CCDC158: variants seen among roughly 807,000 people sequenced by gnomAD.
The protein encoded by CCDC158 is coiled-coil domain-containing protein 158.
A neutral mutation model predicts 138.6 loss-of-function variants in CCDC158; 116 were observed. The observed-to-expected ratio is 0.84, with a 90% CI of 0.72 to 0.98. The LOEUF (loss-of-function observed/expected upper bound fraction) is 0.98. CCDC158 is among the 50% of genes least tolerant of loss of function. The pLI, the probability that CCDC158 is intolerant of heterozygous loss-of-function variation, is 0.00. For synonymous variants in CCDC158, 436 were observed against 442.4 expected, an observed-to-expected ratio of 0.99 and a Z score of 0.18; for missense variants, 1,265 against 1,306.1, an observed-to-expected ratio of 0.97 and a Z score of 0.48.
chr4:76,370,808 A>G (rs575271671), intron 10 of CCDC158, among the ~76,000 whole-genome samples: 1 of 152,332 alleles, frequency 6.6e-6, no homozygotes, highest in Admixed American at 6.5e-5. Flanking sequence ...TCTCAGTTCT[A>G]TCCTTACCTC....
In CCDC158 at chr4:76,343,788, G is replaced by A. The variant is rs1047328269; in HGVS notation, c.2664+7208C>T. Among the ~76,000 whole-genome samples the A allele has an allele frequency of 2.0e-5, 3 of 152,102 alleles. No homozygotes were observed. In the South Asian group the frequency reaches 6.2e-4, roughly 32 times the overall value. On this transcript the variant is annotated intron_variant, in intron 18 of 24. Coordinates refer to ENST00000682701, the MANE Select transcript of CCDC158 (RefSeq NM_001394954.1). Reference sequence around the variant, plus strand: ...TGCACTCCAGCCTGGGTGACAGAGTGAGACTCCATCTCAAAAAACAAAACA... The same window carrying A: ...TGCACTCCAGCCTGGGTGACAGAGTAAGACTCCATCTCAAAAAACAAAACA...
At chr4:76,399,631 G>A (rs116061454) in intron 3 of CCDC158, among the ~76,000 whole-genome samples, 8 of 152,276 alleles carry the variant, frequency 5.3e-5, no homozygotes, top group Admixed American at 1.3e-4. Flanking sequence ...ACGTAGGTAG[G>A]GAATACAGAT....
At chr4:76,387,801 C>A (rs573799986) in intron 4 of CCDC158, among the ~76,000 whole-genome samples, 1 of 125,340 alleles carries the variant, frequency 8.0e-6, no homozygotes, top group Non-Finnish European at 1.6e-5. Context: ...CCAGCCTGGG[C>A]GACAGAGACA....
chr4:76,377,761 G>C (rs1725850832), intron 9 of CCDC158, among the ~76,000 whole-genome samples: 1 of 152,202 alleles, frequency 6.6e-6, no homozygotes, highest in African/African-American at 2.4e-5. Flanking sequence ...AGGTTGCTCA[G>C]AGGCGGCACT....
chr4:76,417,179 C>A (rs1352570526), intron 1 of CCDC158, among the ~76,000 whole-genome samples: 1 of 152,180 alleles, frequency 6.6e-6, no homozygotes, highest in African/African-American at 2.4e-5. Context: ...TTTGACTGCC[C>A]TGCTGGATTT....
Position 76,333,444 on chromosome 4 carries a change from C to A in CCDC158, c.2822+566G>T, listed in dbSNP as rs116672945. Among the ~76,000 whole-genome samples, 89 of 152,290 alleles carry A rather than the reference C, an allele frequency of 5.8e-4. 1 individual carries two copies. The highest frequency in any genetic ancestry group is 2.0e-3 in the African/African-American group (84 of 41,562). On this transcript the variant is annotated intron_variant, in intron 19 of 24. Coordinates refer to ENST00000682701, the MANE Select transcript of CCDC158 (RefSeq NM_001394954.1). ...AAGAATAGGAGACTCCCATTGTTGT[C>A]TGTAGCTATGTGCAAAGAAGGGCTG...
At chr4:76,413,885 T>C (rs1480111851) in intron 1 of CCDC158, among the ~76,000 whole-genome samples, 1 of 152,240 alleles carries the variant, frequency 6.6e-6, no homozygotes, top group Non-Finnish European at 1.5e-5. Flanking sequence ...TTCATGCTAT[T>C]TTGTTAAAAA....
chr4:76,380,840 C>G (rs1726168998), intron 8 of CCDC158, among the ~76,000 whole-genome samples: 2 of 152,338 alleles, frequency 1.3e-5, no homozygotes, highest in African/African-American at 4.8e-5. Context: ...CTCTCTATCG[C>G]TCTGTGCGTC....
chr4:76,385,297 T>A (rs562824270), intron 4 of CCDC158, among the ~76,000 whole-genome samples: 1 of 149,832 alleles, frequency 6.7e-6, no homozygotes, highest in African/African-American at 2.5e-5. Context: ...TGAAGAAAAA[T>A]CCCAAAGTAA....
chr4:76,359,079 T>C (rs906416873), intron 13 of CCDC158, among the ~76,000 whole-genome samples: 3 of 151,716 alleles, frequency 2.0e-5, no homozygotes, highest in African/African-American at 7.3e-5. Flanking sequence ...TGTTTGAAAG[T>C]GTGTAGCACC....
intron 24 of CCDC158, among the ~76,000 whole-genome samples, chr4:76,315,280 A>T (rs1449015929): frequency 6.6e-6 from 1 of 152,288 alleles, no homozygotes; most frequent in Admixed American, 6.5e-5. Context: ...GGAGAGTCTG[A>T]GCTCAGACCC....
At chr4:76,332,327 T>A (rs1398203844) in intron 20 of CCDC158, 105 bp downstream of exon 20, 22 of 869,362 alleles carry the variant, frequency 2.5e-5, no homozygotes, top group African/African-American at 3.4e-5. Flanking sequence ...AATATGCCCA[T>A]TAAGTGTCAT....
chr4:76,317,083 G>A (rs1719471184), intron 24 of CCDC158, among the ~76,000 whole-genome samples: 1 of 150,700 alleles, frequency 6.6e-6, no homozygotes, highest in Admixed American at 6.6e-5. Context: ...AAAAACCAAG[G>A]TAATTCAGGC....
At chr4:76,418,005 C>T (rs1729832083) in intron 1 of CCDC158, among the ~76,000 whole-genome samples, 1 of 152,118 alleles carries the variant, frequency 6.6e-6, no homozygotes, top group Non-Finnish European at 1.5e-5. Flanking sequence ...CTACACTATC[C>T]TGAGAAGATG....
intron 4 of CCDC158, among the ~76,000 whole-genome samples, chr4:76,395,178 C>T (rs1041198161): frequency 3.3e-5 from 5 of 152,134 alleles, no homozygotes; most frequent in Admixed American, 2.0e-4. Flanking sequence ...CTCTGTGCTT[C>T]GTTTGTCTAT....
At chr4:76,386,181 C>T (rs1455377999) in intron 4 of CCDC158, among the ~76,000 whole-genome samples, 2 of 152,190 alleles carry the variant, frequency 1.3e-5, no homozygotes, top group African/African-American at 2.4e-5. Context: ...GAAGCCTACA[C>T]CATTCATTCC....
chr4:76,342,626 G>A (rs1722164671), intron 18 of CCDC158, among the ~76,000 whole-genome samples: 1 of 152,180 alleles, frequency 6.6e-6, no homozygotes, highest in South Asian at 2.1e-4. Flanking sequence ...TTATAAACTT[G>A]GCATTAATTT....
chr4:76,367,894 CTTT>C (rs5859510), intron 11 of CCDC158, 118 bp from the exon 12 acceptor site: 7,022 of 670,618 alleles, frequency 0.01, no homozygotes, highest in South Asian at 0.015. Flanking sequence ...TTAGTAAGAT[CTTT>C]TTTTTTTTTT....
intron 2 of CCDC158, among the ~76,000 whole-genome samples, chr4:76,408,503 A>C (rs1729023625): frequency 6.6e-6 from 1 of 152,150 alleles, no homozygotes; most frequent in South Asian, 2.1e-4. Context: ...ACGTCCCTAC[A>C]AAGGGCATGA....
Sources: gnomAD v4.1 joint callset for allele counts (sites outside exome capture counted in the v4.1 genomes callset) on GRCh38, gnomAD v4.1.1 for gene constraint, MANE v1.5 for transcripts, NCBI Gene and HGNC (gene_info 2026-07-23, HGNC 2026-07-21) for gene names.